The following CANT1 variants were observed in gnomAD, a reference collection of about 807,000 sequenced individuals.
The protein encoded by CANT1 is soluble calcium-activated nucleotidase 1.
CANT1 carries 26 observed loss-of-function variants against 30.0 expected under a neutral mutation model. The ratio of observed to expected loss-of-function variants is 0.87; its 90% CI spans 0.64 to 1.20. CANT1 has a LOEUF of 1.20. Among genes scored for constraint, CANT1 ranks in the 50% most tolerant of loss-of-function variants. The pLI is 0.00. For synonymous variants in CANT1, 246 were observed against 251.8 expected (o/e 0.98, Z 0.22); for missense variants, 518 against 563.0 (o/e 0.92, Z 0.81).
rs1009818408 is a variant in CANT1 at position 79,002,701 on chromosome 17, C to T, written c.-146-4738G>A. Among the ~76,000 whole-genome samples the T allele has an allele frequency of 6.6e-6, 1 of 152,208 alleles. No individual in the cohort carries two copies. The highest frequency in any genetic ancestry group is 1.5e-5 in the Non-Finnish European group (1 of 68,042). On this transcript the variant is annotated intron_variant, in intron 1 of 4. Coordinates refer to ENST00000392446, the MANE Select transcript of CANT1 (RefSeq NM_001159773.2). This position sits in a 1 kb window ranked among gnomAD's most constrained non-coding sequence, Gnocchi z 4.0. Reference sequence around the variant, plus strand: ...TCCCTCGACAGATCCCTGGTCAAGACCATCTCAAATCACCCTCCACAAAAC... The same window carrying T: ...TCCCTCGACAGATCCCTGGTCAAGATCATCTCAAATCACCCTCCACAAAAC...
chr17:78,996,323 G>A lies in CANT1; in HGVS notation c.631+669C>T, dbSNP rs2071033165. Among the ~76,000 whole-genome samples the A allele has an allele frequency of 6.6e-6, 1 of 152,128 alleles. No homozygotes were observed. On this transcript the variant is annotated intron_variant, in intron 3 of 4. Transcript: ENST00000392446. This position sits in a 1 kb window ranked among gnomAD's most constrained non-coding sequence, Gnocchi z 5.1. ...CAGCTCAGACAAACGGAGCTCAGAG[G>A]AGCTGGCAGCTCCTCTGCCAGCGTC...
In CANT1 at chr17:78,991,870, C is replaced by T. The variant is rs762435941; in HGVS notation, c.*1680G>A. ...ACTGCCTATGCGAAGAGGCTGCTTC[C>T]GGGCACCTGGGCTGTGACTCAGGTG... On this transcript the variant is annotated 3_prime_UTR_variant, in exon 5 of 5. Transcript: ENST00000392446. The T allele has an allele frequency of 8.6e-6, 2 of 231,266 alleles. No individual in the cohort carries two copies. The highest frequency in any genetic ancestry group is 4.4e-5 in the African/African-American group (2 of 45,228). 14.3% of individuals were successfully genotyped at this position (231,266 alleles called of 1,614,324 possible).
At chr17:79,003,531 G>A (rs2071341971) in intron 1 of CANT1, among the ~76,000 whole-genome samples, 1 of 152,006 alleles carries the variant, frequency 6.6e-6, no homozygotes, top group South Asian at 2.1e-4. Context: ...ACACAAGATG[G>A]ACAAAGTCCT....
chr17:78,994,680 C>T (rs972974404), intron 4 of CANT1, among the ~76,000 whole-genome samples: 5 of 152,104 alleles, frequency 3.3e-5, no homozygotes, highest in South Asian at 2.1e-4. Context: ...TTTGGGAGGC[C>T]GAGGCAGGTG....
At position 78,997,017 on chromosome 17, in the gene CANT1, G is replaced by A. The variant is rs754334019; in HGVS notation, c.606C>T (p.Ser202=). 6.2e-6 allele frequency: 10 copies of A among 1,614,148 alleles called. No homozygotes were observed. Among genetic ancestry groups the A allele is most frequent in the Admixed American group, 1.7e-5 (1 of 60,022 alleles). The part of the protein sequence containing the change: ...GSKAVPWVIL[S]DGDGTVEKGF... Reference sequence around the variant, plus strand: ...CTTTCTCCACGGTGCCGTCGCCGTCGGACAGAATCACCCAGGGCACGGCTT... The same window carrying A: ...CTTTCTCCACGGTGCCGTCGCCGTCAGACAGAATCACCCAGGGCACGGCTT... The change falls in exon 3 of 5, where the codon TCC becomes TCT. Residue 202 remains serine (S), a synonymous_variant. Coordinates refer to ENST00000392446, the MANE Select transcript of CANT1 (RefSeq NM_001159773.2). The surrounding 1 kb of genome is among the most constrained non-coding windows in gnomAD (Gnocchi z 7.5).
Position 78,993,707 on chromosome 17 carries a change from AT to A in CANT1, c.1048del (p.Ile350SerfsTer44), listed in dbSNP as rs1294064847. ...PTHGFSSFKF[I>X]PNTDDQIIVA... is the part of the protein sequence containing the mutation. ...AATGATCTGGTCGTCGGTGTTGGGG[AT>A]GAACTTGAAGGACGAGAAGCCGTGA... On this transcript the variant is annotated frameshift_variant, in exon 5 of 5. Coordinates refer to ENST00000392446, the MANE Select transcript of CANT1 (RefSeq NM_001159773.2). LOFTEE classifies it high-confidence loss of function. This position sits in a 1 kb window ranked among gnomAD's most constrained non-coding sequence, Gnocchi z 4.5. 6.2e-7 allele frequency: 1 copy of A among 1,614,124 alleles called. No individual in the cohort carries two copies. The highest frequency in any genetic ancestry group is 1.7e-5 in the Admixed American group (1 of 60,024).
chr17:78,995,311 A>T lies in CANT1; in HGVS notation c.632-90T>A, dbSNP rs528060549. ...CACCCGGCCCCGCACCTGTCCTTAG[A>T]CCCCGCACCTGACTCCCGCCCGGCT... is the stretch of plus-strand genomic sequence containing the variant. On this transcript the variant is annotated intron_variant, in intron 3 of 4. Coordinates refer to ENST00000392446, the MANE Select transcript of CANT1 (RefSeq NM_001159773.2). This position sits in a 1 kb window ranked among gnomAD's most constrained non-coding sequence, Gnocchi z 5.7. 1 of 1,356,362 alleles carries T rather than the reference A, an allele frequency of 7.4e-7. No homozygotes were observed. The highest frequency in any genetic ancestry group is 1.0e-6 in the Non-Finnish European group (1 of 982,640). The allele number at this position is 1,356,362 out of a possible 1,614,324, so 84.0% of individuals were successfully genotyped here. A position where few individuals can be genotyped will look rare whatever the true frequency, so the allele number is the denominator to read the frequency against.
chr17:78,995,223 T>C lies in CANT1; in HGVS notation c.632-2A>G. On this transcript the variant is annotated splice_acceptor_variant, in intron 3 of 4. Coordinates refer to ENST00000392446, the MANE Select transcript of CANT1 (RefSeq NM_001159773.2). LOFTEE classifies it high-confidence loss of function. This position sits in a 1 kb window ranked among gnomAD's most constrained non-coding sequence, Gnocchi z 5.7. ...CTGCCAGCCATTCGGCCTTGAAGCC[T>C]GGCCAAGCAGAGTGTCCTTAGGCCC... The C allele has an allele frequency of 6.2e-7, 1 of 1,612,714 alleles. No homozygotes were observed. Among genetic ancestry groups the C allele is most frequent in the Non-Finnish European group, 8.5e-7 (1 of 1,179,890 alleles).
rs769446526 is a variant in CANT1, at chr17:79,008,385, C to T, written c.-147+1279G>A. ...GGAGATAGCGGATCCTGAAGGGCTGCGGCACCCGCTTCCTTTTAGGAGCCT... is the reference window on the plus strand; with the variant it reads ...GGAGATAGCGGATCCTGAAGGGCTGTGGCACCCGCTTCCTTTTAGGAGCCT... On this transcript the variant is annotated intron_variant, in intron 1 of 4. Transcript: ENST00000392446. This position sits in a 1 kb window ranked among gnomAD's most constrained non-coding sequence, Gnocchi z 4.4. Among the ~76,000 whole-genome samples, 8 of 152,142 alleles carry T rather than the reference C, an allele frequency of 5.3e-5. No individual in the cohort carries two copies. The highest frequency in any genetic ancestry group is 1.0e-4 in the Non-Finnish European group (7 of 68,008).
Position 78,993,793 on chromosome 17 carries a change from C to G in CANT1, c.963G>C (p.Leu321=), listed in dbSNP as rs933323458. The G allele has an allele frequency of 6.2e-7, 1 of 1,611,606 alleles. No homozygotes were observed. Among genetic ancestry groups the G allele is most frequent in the African/African-American group, 1.3e-5 (1 of 75,074 alleles). The change falls in exon 5 of 5, where the codon CTG becomes CTC. Residue 321 remains leucine (L), a synonymous_variant. Coordinates refer to ENST00000392446, the MANE Select transcript of CANT1 (RefSeq NM_001159773.2). The surrounding 1 kb of genome is among the most constrained non-coding windows in gnomAD (Gnocchi z 4.5). ...DDERKGANLL[L]SASPDFGDIA... is the part of the protein sequence containing the mutation. The stretch of plus-strand genomic sequence containing the variant: ...TGTCGCCGAAGTCAGGGGAGGCGCT[C>G]AGCAGCAGGTTGGCGCCCTTGCGCT...
rs1024112730 is a variant in CANT1 at position 78,992,381 on chromosome 17, G to A, written c.*1169C>T. 131 of 282,798 alleles carry A rather than the reference G, an allele frequency of 4.6e-4. 1 individual carries two copies. Among genetic ancestry groups the A allele is most frequent in the African/African-American group, 2.4e-3 (116 of 47,374 alleles). The allele number at this position is 282,798 out of a possible 1,614,324, so 17.5% of individuals were successfully genotyped here. ...GGAGGGCACTGTGAATGATGGAAACGTCCCTTCTCAGCCTGGGTCGTGCCT... is the reference window on the plus strand; with the variant it reads ...GGAGGGCACTGTGAATGATGGAAACATCCCTTCTCAGCCTGGGTCGTGCCT... On this transcript the variant is annotated 3_prime_UTR_variant, in exon 5 of 5. Coordinates refer to ENST00000392446, the MANE Select transcript of CANT1 (RefSeq NM_001159773.2).
intron 1 of CANT1, chr17:79,005,840 T>A (rs181284897): frequency 6.6e-6 from 1 of 152,336 alleles, no homozygotes; most frequent in African/African-American, 2.4e-5. Context: ...TAACAGCGCC[T>A]GAGAGAACAC....
intron 1 of CANT1, among the ~76,000 whole-genome samples, chr17:79,006,817 G>A (rs1327177590): frequency 6.6e-6 from 1 of 152,166 alleles, no homozygotes; most frequent in Non-Finnish European, 1.5e-5. Flanking sequence ...TCCACACCGC[G>A]GTGGCACCTG....
In CANT1 at chr17:78,995,207, A is replaced by G; in HGVS notation, c.646T>C (p.Trp216Arg). Residue 216 changes from tryptophan (W) to arginine (R), a missense_variant, in exon 4 of 5, where the codon TGG becomes CGG. Physicochemically the swap from Trp to Arg is moderately radical, Grantham distance 101 (BLOSUM62 -3). This residue lies in a region of CANT1 where 48 missense variants were observed against 82.5 expected (regional missense o/e 0.58). Transcript: ENST00000392446. This position sits in a 1 kb window ranked among gnomAD's most constrained non-coding sequence, Gnocchi z 5.7. The part of the protein sequence containing the change: ...GTVEKGFKAE[W>R]LAVKDERLYV... ...AGACGCTCGTCCTTCACTGCCAGCC[A>G]TTCGGCCTTGAAGCCTGGCCAAGCA... The G allele has an allele frequency of 6.2e-7, 1 of 1,613,500 alleles. No homozygotes were observed. The highest frequency in any genetic ancestry group is 8.5e-7 in the Non-Finnish European group (1 of 1,179,982).
chr17:78,993,698 G>T lies in CANT1; in HGVS notation c.1058C>A (p.Thr353Asn). 1 of 1,614,246 alleles carries T rather than the reference G, an allele frequency of 6.2e-7. No individual in the cohort carries two copies. The highest frequency in any genetic ancestry group is 8.5e-7 in the Non-Finnish European group (1 of 1,180,048). ...GAGGGCCACAATGATCTGGTCGTCGGTGTTGGGGATGAACTTGAAGGACGA... is the reference window on the plus strand; with the variant it reads ...GAGGGCCACAATGATCTGGTCGTCGTTGTTGGGGATGAACTTGAAGGACGA... ...GFSSFKFIPN[T>N]DDQIIVALKS... The change falls in exon 5 of 5, where the codon ACC becomes AAC. Residue 353 changes from threonine to asparagine, a missense_variant. Coordinates refer to ENST00000392446, the MANE Select transcript of CANT1 (RefSeq NM_001159773.2). This position sits in a 1 kb window ranked among gnomAD's most constrained non-coding sequence, Gnocchi z 4.5.
rs773784258 is a variant in CANT1 at position 78,997,357 on chromosome 17, T to A, written c.266A>T (p.Asp89Val). The A allele has an allele frequency of 3.7e-6, 6 of 1,613,822 alleles. No individual in the cohort carries two copies. The East Asian group carries it at 1.3e-4, about 36-fold the overall frequency. ...TTGTGGGGGAGACAGGGGGTAGGTG[T>A]CATTGTACCAGTTGGCGGGCGCCTG... Reference protein sequence around the residue: ...LGQAPANWYNDTYPLSPPQRT... With the variant: ...LGQAPANWYNVTYPLSPPQRT... Residue 89 changes from aspartate (D) to valine (V), a missense_variant, in exon 3 of 5, where the codon GAC (aspartate) becomes GTC (valine). Physicochemically the swap from Asp to Val is radical, Grantham distance 152. Around this residue, in one of 3 missense-constraint regions of CANT1, gnomAD observed 249 missense variants for 268.8 expected, o/e 0.93. Transcript: ENST00000392446. The surrounding 1 kb of genome is among the most constrained non-coding windows in gnomAD (Gnocchi z 7.5).
intron 1 of CANT1, among the ~76,000 whole-genome samples, chr17:79,001,380 G>T (rs931078898): frequency 3.9e-5 from 6 of 152,060 alleles, no homozygotes; most frequent in Non-Finnish European, 7.4e-5. Flanking sequence ...CCCCCCAGCC[G>T]CCGGGCACCT....
Position 78,993,963 on chromosome 17 carries a change from G to A in CANT1, c.836-43C>T, listed in dbSNP as rs1209173508. 6.5e-7 allele frequency: 1 copy of A among 1,535,550 alleles called. No homozygotes were observed. On this transcript the variant is annotated intron_variant, in intron 4 of 4. Transcript: ENST00000392446. The surrounding 1 kb of genome is among the most constrained non-coding windows in gnomAD (Gnocchi z 4.5). ...GCGGGTCAGACACGCATGCGGCCTGGTGTGCCCAGCCCCACACCATCAGGC... is the reference window on the plus strand; with the variant it reads ...GCGGGTCAGACACGCATGCGGCCTGATGTGCCCAGCCCCACACCATCAGGC...
Position 78,997,663 on chromosome 17 carries a change from A to G in CANT1, c.-22-19T>C, listed in dbSNP as rs1599228166. ...GCGGGACCTGCACAGCCAGGGAGGG[A>G]GGAGAGGAGTCAGCGCCTCCGCAAG... On this transcript the variant is annotated intron_variant, in intron 2 of 4. Transcript: ENST00000392446. The surrounding 1 kb of genome is among the most constrained non-coding windows in gnomAD (Gnocchi z 7.5). 6.6e-7 allele frequency: 1 copy of G among 1,519,634 alleles called. No homozygotes were observed. The highest frequency in any genetic ancestry group is 2.3e-5 in the East Asian group (1 of 43,208). The allele number at this position is 1,519,634 out of a possible 1,614,324, so 94.1% of individuals were successfully genotyped here.
Sources: allele counts gnomAD v4.1 joint callset (sites outside exome capture counted in the v4.1 genomes callset), GRCh38; gene constraint gnomAD v4.1.1; regional missense constraint gnomAD v4.1.1; non-coding constraint Gnocchi (gnomAD v3.1); transcripts MANE v1.5; gene names NCBI Gene and HGNC (gene_info 2026-07-23, HGNC 2026-07-21).